Variants in SLC5A11 observed in about 807,000 individuals in gnomAD.
SLC5A11 encodes sodium/myo-inositol cotransporter 2.
SLC5A11 carries 48 observed loss-of-function variants against 69.8 expected under a neutral mutation model. The observed-to-expected ratio is 0.69, with a 90% confidence interval of 0.55 to 0.87. SLC5A11 has a LOEUF of 0.87. Ranked by LOEUF, SLC5A11 falls within the 40% of genes least tolerant of loss-of-function variation. SLC5A11 has a pLI of 0.00. For synonymous variants in SLC5A11, 319 were observed against 342.4 expected, an observed-to-expected ratio of 0.93 and a Z score of 0.75; for missense variants, 784 against 866.1, an observed-to-expected ratio of 0.91 and a Z score of 1.19.
At chr16:24,908,576 C>T (rs563599188) in intron 13 of SLC5A11, among the ~76,000 whole-genome samples, 25 of 112,682 alleles carry the variant, frequency 2.2e-4, no homozygotes, top group African/African-American at 8.0e-4. Flanking sequence ...CCAGCCTGGG[C>T]GACAGAGTGA....
At position 24,856,153 on chromosome 16, in the gene SLC5A11, G is replaced by T. The variant is rs183359607; in HGVS notation, c.-24-2467G>T. Among the ~76,000 whole-genome samples the T allele has an allele frequency of 2.0e-5, 3 of 152,308 alleles. No individual in the cohort carries two copies. In the East Asian group the frequency reaches 5.8e-4, roughly 29 times the overall value. ...TTGGTTGTCACAATAATTTGGGAGTGCTACTGGCATTCAGCAGGGGGAGGC... is the reference window on the plus strand; with the variant it reads ...TTGGTTGTCACAATAATTTGGGAGTTCTACTGGCATTCAGCAGGGGGAGGC... On this transcript the variant is annotated intron_variant, in intron 1 of 15. Coordinates refer to ENST00000347898, the Ensembl canonical transcript of SLC5A11.
At chr16:24,900,918 TAAAAA>T (rs57145899) in intron 10 of SLC5A11, among the ~76,000 whole-genome samples, 13 of 116,640 alleles carry the variant, frequency 1.1e-4, no homozygotes, top group Admixed American at 8.3e-4. Context: ...ACCCTATCTC[TAAAAA>T]AAAAAAAAAA....
At chr16:24,907,266 A>G in intron 12 of SLC5A11, 91 bp downstream of exon 13, 2 of 1,425,702 alleles carry the variant, frequency 1.4e-6, no homozygotes, top group Non-Finnish European at 1.9e-6. Context: ...CAACCTATCC[A>G]GGCTGAAGAG....
intron 3 of SLC5A11, among the ~76,000 whole-genome samples, chr16:24,863,701 C>A (rs2046742736): frequency 6.6e-6 from 1 of 152,010 alleles, no homozygotes. Flanking sequence ...TGGGGATTAA[C>A]CACATGCTGC....
chr16:24,852,323 T>C (rs533683889), intron 1 of SLC5A11, among the ~76,000 whole-genome samples: 1 of 152,146 alleles, frequency 6.6e-6, no homozygotes, highest in Non-Finnish European at 1.5e-5. Context: ...GTGTGGAAAT[T>C]TTTCACATCT....
At chr16:24,851,837 C>T (rs1403778375) in intron 1 of SLC5A11, among the ~76,000 whole-genome samples, 14 of 152,236 alleles carry the variant, frequency 9.2e-5, no homozygotes, top group Admixed American at 5.2e-4. Flanking sequence ...TGAGTCAGGG[C>T]GGTGCAGTTC....
chr16:24,881,820 G>A (rs1355719897), intron 7 of SLC5A11, among the ~76,000 whole-genome samples: 1 of 146,088 alleles, frequency 6.8e-6, no homozygotes, highest in Non-Finnish European at 1.5e-5. Flanking sequence ...GGCACCCCGT[G>A]GCACTGTGCT....
chr16:24,863,093 G>T (rs1346101101), intron 3 of SLC5A11, among the ~76,000 whole-genome samples: 3 of 142,038 alleles, frequency 2.1e-5, no homozygotes, highest in Non-Finnish European at 3.0e-5. Context: ...ATATATAATA[G>T]ATATATATTA....
At chr16:24,849,589 A>ATAC (rs60706405) in intron 1 of SLC5A11, among the ~76,000 whole-genome samples, 13 of 63,774 alleles carry the variant, frequency 2.0e-4, no homozygotes, top group Admixed American at 1.7e-3. Flanking sequence ...AAAAAAAAAA[A>ATAC]AAAAATATAT....
chr16:24,897,664 G>A (rs949277522), intron 9 of SLC5A11, among the ~76,000 whole-genome samples: 1 of 152,184 alleles, frequency 6.6e-6, no homozygotes, highest in African/African-American at 2.4e-5. Flanking sequence ...CATGGCTGGG[G>A]AGGCCTCACA....
At chr16:24,860,738 TGCTGTC>T (rs1278851003) in intron 2 of SLC5A11, among the ~76,000 whole-genome samples, 1 of 152,072 alleles carries the variant, frequency 6.6e-6, no homozygotes, top group Non-Finnish European at 1.5e-5. Context: ...GACGGAGTCT[TGCTGTC>T]GCTCAGCCTG....
intron 5 of SLC5A11, among the ~76,000 whole-genome samples, chr16:24,875,209 C>T (rs1486854108): frequency 6.6e-6 from 1 of 152,152 alleles, no homozygotes; most frequent in Non-Finnish European, 1.5e-5. Context: ...GAGGCAGGGT[C>T]TCCCTGTCAC....
chr16:24,906,865 TG>T, intron 11 of SLC5A11, 101 bp downstream of exon 12: 2 of 1,391,888 alleles, frequency 1.4e-6, no homozygotes, highest in South Asian at 2.7e-5. Context: ...GGAGGGCTGG[TG>T]GGGGAGGAAG....
chr16:24,862,972 T>C (rs865904799), intron 3 of SLC5A11, among the ~76,000 whole-genome samples: 79 of 135,202 alleles, frequency 5.8e-4, no homozygotes, highest in African/African-American at 2.2e-3. Context: ...TATTATATAA[T>C]ATATAATTAT....
At chr16:24,857,735 C>T (rs1596990785) in intron 1 of SLC5A11, among the ~76,000 whole-genome samples, 1 of 152,202 alleles carries the variant, frequency 6.6e-6, no homozygotes, top group African/African-American at 2.4e-5. Flanking sequence ...TCCCTATTTT[C>T]AGGTTAGCTG....
intron 10 of SLC5A11, among the ~76,000 whole-genome samples, chr16:24,901,660 ATATT>A (rs1567683867): frequency 6.6e-6 from 1 of 152,010 alleles, no homozygotes; most frequent in Non-Finnish European, 1.5e-5. Flanking sequence ...AATTCAACAA[ATATT>A]TTGAGAGCCA....
At chr16:24,887,943 A>G in intron 8 of SLC5A11, among the ~76,000 whole-genome samples, 1 of 152,176 alleles carries the variant, frequency 6.6e-6, no homozygotes, top group East Asian at 1.9e-4. Flanking sequence ...TAACATTGCA[A>G]CAAGATACAC....
chr16:24,890,426 G>A (rs1249931629), intron 8 of SLC5A11, among the ~76,000 whole-genome samples: 1 of 141,986 alleles, frequency 7.0e-6, no homozygotes, highest in Non-Finnish European at 1.5e-5. Flanking sequence ...GGAGGTGGCA[G>A]TGAGCCAAGA....
intron 12 of SLC5A11, 139 bp downstream of exon 13, chr16:24,907,314 G>A (rs1334213546): frequency 2.1e-5 from 20 of 964,700 alleles, no homozygotes; most frequent in South Asian, 3.2e-5. Context: ...ATTCATTCAG[G>A]AGATGCTGAA....
Sources: allele counts gnomAD v4.1 joint callset (sites outside exome capture counted in the v4.1 genomes callset), GRCh38; gene constraint gnomAD v4.1.1; transcripts MANE v1.5; gene names NCBI Gene and HGNC (gene_info 2026-07-23, HGNC 2026-07-21).